The following TET1 variants were observed in gnomAD, a reference collection of about 807,000 sequenced individuals.
The protein encoded by TET1 is tet methylcytosine dioxygenase 1.
Under a neutral mutation model 148.7 loss-of-function variants are expected in TET1, and 13 were observed. The ratio of observed to expected loss-of-function variants is 0.09; its 90% CI spans 0.06 to 0.14. The LOEUF (loss-of-function observed/expected upper bound fraction) is 0.14, where lower values mean the gene tolerates loss of function less well. Ranked by LOEUF, TET1 falls within the 10% of genes least tolerant of loss-of-function variation. The pLI is 1.00. For missense variants in TET1, 2,182 were observed against 2,553.8 expected (o/e 0.85, Z 3.14); for synonymous variants, 907 against 937.2 (o/e 0.97, Z 0.59).
chr10:68,666,175 C>T (rs908994142), intron 6 of TET1, among the ~76,000 whole-genome samples: 1 of 151,586 alleles, frequency 6.6e-6, no homozygotes, highest in Non-Finnish European at 1.5e-5. Flanking sequence ...TAAATACTGC[C>T]GAAGCCTTTT....
chr10:68,662,739 C>CA (rs1278312226), intron 6 of TET1, among the ~76,000 whole-genome samples: 1 of 152,066 alleles, frequency 6.6e-6, no homozygotes, highest in Non-Finnish European at 1.5e-5. Flanking sequence ...TCATCTCTAC[C>CA]AAAAATACAA....
chr10:68,618,344 G>A (rs1349760403), intron 3 of TET1, among the ~76,000 whole-genome samples: 1 of 152,070 alleles, frequency 6.6e-6, no homozygotes, highest in Admixed American at 6.6e-5. Context: ...AAAAAAAATA[G>A]GTATTAGGGA....
chr10:68,619,241 C>CT (rs1564971658), intron 3 of TET1, among the ~76,000 whole-genome samples: 1 of 152,020 alleles, frequency 6.6e-6, no homozygotes, highest in Non-Finnish European at 1.5e-5. Flanking sequence ...CCGTTATTCT[C>CT]TTTTTTTGAG....
chr10:68,666,529 T>A (rs1211736998), intron 6 of TET1, among the ~76,000 whole-genome samples: 1 of 152,234 alleles, frequency 6.6e-6, no homozygotes, highest in East Asian at 1.9e-4. Flanking sequence ...TGTTCCCTTG[T>A]GACATTTGTG....
Position 68,572,810 on chromosome 10 carries a change from G to T in TET1, c.472G>T (p.Val158Phe), listed in dbSNP as rs753283699. 5.0e-6 allele frequency: 8 copies of T among 1,614,098 alleles called. No homozygotes were observed. The highest frequency in any genetic ancestry group is 2.2e-5 in the East Asian group (1 of 44,882). ...AGTAAAGCACTCAGAAAATGATTCG[G>T]TTCCAATGCAAGACACCCAAGTCCT... is the stretch of plus-strand genomic sequence containing the variant. Reference protein sequence around the residue: ...LGVKHSENDSVPMQDTQVLPD... With the variant: ...LGVKHSENDSFPMQDTQVLPD... Residue 158 changes from valine (V) to phenylalanine (F), a missense_variant, in exon 2 of 12, where the codon GTT becomes TTT. Coordinates refer to ENST00000373644, the MANE Select transcript of TET1 (RefSeq NM_030625.3).
At position 68,573,033 on chromosome 10, in the gene TET1, C is replaced by T. The variant is rs545216411; in HGVS notation, c.695C>T (p.Thr232Ile). The change falls in exon 2 of 12, where the codon ACA becomes ATA. Residue 232 changes from threonine (T) to isoleucine (I), a missense_variant. Transcript: ENST00000373644. The part of the protein sequence containing the change: ...RCGEGLFSEE[T>I]LNDTSGSPKM... ...GGTGAAGGACTATTCTCTGAAGAGACATTGAATGATACCAGTGGTTCCCCA... is the reference window on the plus strand; with the variant it reads ...GGTGAAGGACTATTCTCTGAAGAGATATTGAATGATACCAGTGGTTCCCCA... The T allele has an allele frequency of 6.2e-7, 1 of 1,614,166 alleles. No individual in the cohort carries two copies. The highest frequency in any genetic ancestry group is 8.5e-7 in the Non-Finnish European group (1 of 1,180,034).
At chr10:68,595,919 C>CATATATATATATATATAT (rs374124558) in intron 2 of TET1, among the ~76,000 whole-genome samples, 5 of 34,508 alleles carry the variant, frequency 1.4e-4, no homozygotes, top group African/African-American at 3.0e-4. Context: ...CCAGCCAAAA[C>CATATATATATATATATAT]ATATATATAT....
intron 10 of TET1, among the ~76,000 whole-genome samples, chr10:68,685,584 T>C (rs1189272503): frequency 2.6e-5 from 4 of 152,138 alleles, no homozygotes; most frequent in African/African-American, 9.7e-5. Context: ...AATAAAATGT[T>C]AGTTTTTAAA....
chr10:68,652,675 A>G (rs2054955005), intron 6 of TET1, 81 bp downstream of exon 6: 1 of 947,922 alleles, frequency 1.1e-6, no homozygotes, highest in Admixed American at 2.5e-5. Context: ...AGCCAGAGTG[A>G]TCTTTATTTT....
intron 11 of TET1, among the ~76,000 whole-genome samples, chr10:68,687,958 A>G (rs1035384252): frequency 6.6e-6 from 1 of 151,846 alleles, no homozygotes; most frequent in Admixed American, 6.6e-5. Context: ...GAGTCTTGCT[A>G]TGTTGCCAAA....
chr10:68,675,674 C>T (rs79120407), intron 8 of TET1, among the ~76,000 whole-genome samples: 4,466 of 150,446 alleles, frequency 0.03, 61 homozygotes, highest in Non-Finnish European at 0.04. Context: ...ATCTGCCTAA[C>T]TCAGCCTTTC....
intron 2 of TET1, among the ~76,000 whole-genome samples, chr10:68,593,057 A>T (rs1299612008): frequency 2.6e-5 from 4 of 151,784 alleles, no homozygotes; most frequent in Non-Finnish European, 5.9e-5. Context: ...AACATAGTGA[A>T]ATCTCTACTA....
intron 2 of TET1, among the ~76,000 whole-genome samples, chr10:68,598,364 G>A (rs1484217665): frequency 1.3e-5 from 2 of 152,208 alleles, no homozygotes; most frequent in East Asian, 1.9e-4. Flanking sequence ...GCATCTAGGC[G>A]ACAAGAGTGA....
rs7922553 is a variant in TET1 at position 68,647,096 on chromosome 10, A to G, written c.4276+91A>G. The G allele has an allele frequency of 2.6e-3, 3,606 of 1,387,690 alleles. 87 individuals are homozygous for G. In the African/African-American group the frequency reaches 0.045, roughly 17 times the overall value. The allele number at this position is 1,387,690 out of a possible 1,614,324, so 86.0% of individuals were successfully genotyped here. A position where few individuals can be genotyped will look rare whatever the true frequency, so the allele number is the denominator to read the frequency against. On this transcript the variant is annotated intron_variant, in intron 4 of 11. Coordinates refer to ENST00000373644, the MANE Select transcript of TET1 (RefSeq NM_030625.3). ...AATTCTGATTCATCTTTTTTGTGTGATATTTTTTCCCCATTCTTATTCTAA... is the reference window on the plus strand; with the variant it reads ...AATTCTGATTCATCTTTTTTGTGTGGTATTTTTTCCCCATTCTTATTCTAA...
chr10:68,586,501 T>A (rs1274028110), intron 2 of TET1, among the ~76,000 whole-genome samples: 3 of 122,072 alleles, frequency 2.5e-5, no homozygotes, highest in African/African-American at 8.0e-5. Flanking sequence ...TTTTTTTTTT[T>A]AATTTTTATT....
chr10:68,628,176 A>G (rs1312850281), intron 3 of TET1, among the ~76,000 whole-genome samples: 5 of 152,036 alleles, frequency 3.3e-5, no homozygotes, highest in Admixed American at 3.3e-4. Context: ...CCAACTCCTG[A>G]TGTTAGGTGA....
chr10:68,606,162 T>C (rs2054120860), intron 3 of TET1, among the ~76,000 whole-genome samples: 2 of 151,504 alleles, frequency 1.3e-5, no homozygotes, highest in Admixed American at 1.3e-4. Flanking sequence ...AGGTCAGGGG[T>C]TCAAGACCAC....
intron 2 of TET1, among the ~76,000 whole-genome samples, chr10:68,596,177 T>C (rs947116010): frequency 2.0e-5 from 3 of 150,634 alleles, no homozygotes; most frequent in African/African-American, 7.3e-5. Context: ...TAGCTTGAGA[T>C]TACAGGCACG....
At chr10:68,688,172 C>T (rs1177179659) in intron 11 of TET1, among the ~76,000 whole-genome samples, 4 of 152,096 alleles carry the variant, frequency 2.6e-5, no homozygotes. Flanking sequence ...TCTTGGCTCA[C>T]TGTAACCCTC....
Sources: allele counts gnomAD v4.1 joint callset (sites outside exome capture counted in the v4.1 genomes callset), GRCh38; gene constraint gnomAD v4.1.1; transcripts MANE v1.5; gene names NCBI Gene and HGNC (gene_info 2026-07-23, HGNC 2026-07-21).